Variants in JADE1 observed in about 807,000 individuals in gnomAD.
JADE1 encodes protein Jade-1.
In JADE1, 14 loss-of-function variants were observed where a neutral mutation model predicts 81.8. The ratio of observed to expected loss-of-function variants is 0.17; its 90% CI spans 0.11 to 0.27. JADE1 has a LOEUF of 0.27. JADE1 is among the 10% of genes least tolerant of loss of function. JADE1 has a pLI of 1.00. For synonymous variants in JADE1, 353 were observed against 391.9 expected (o/e 0.90, Z 1.17); for missense variants, 690 against 1,047.9 (o/e 0.66, Z 4.71).
chr4:128,810,557 G>A (rs960155056), intron 1 of JADE1, among the ~76,000 whole-genome samples: 2 of 151,068 alleles, frequency 1.3e-5, no homozygotes, highest in Non-Finnish European at 2.9e-5. Flanking sequence ...CAGAACGCAG[G>A]TTCGCGTACA....
intron 9 of JADE1, chr4:128,863,781 G>A (rs1731565928): frequency 1.0e-6 from 1 of 985,348 alleles, no homozygotes; most frequent in Admixed American, 6.2e-5. Context: ...CTGGTAAGAA[G>A]CCTTTATGCC....
chr4:128,862,494 A>G, intron 9 of JADE1: 1 of 1,317,664 alleles, frequency 7.6e-7, no homozygotes, highest in Non-Finnish European at 9.7e-7. Flanking sequence ...GTAAGATCAA[A>G]TGGGGTGTGT....
intron 1 of JADE1, among the ~76,000 whole-genome samples, chr4:128,815,267 A>AT (rs1726925746): frequency 6.6e-6 from 1 of 151,208 alleles, no homozygotes; most frequent in Non-Finnish European, 1.5e-5. Flanking sequence ...TGCCCAGCTA[A>AT]TTTTTTTGTA....
At chr4:128,869,760 G>A (rs551233746) in intron 10 of JADE1, among the ~76,000 whole-genome samples, 14 of 152,324 alleles carry the variant, frequency 9.2e-5, no homozygotes, top group African/African-American at 3.4e-4. Context: ...TCATTCTGAT[G>A]TAAGAACCAT....
At chr4:128,828,282 C>T (rs1381599317) in intron 1 of JADE1, among the ~76,000 whole-genome samples, 1 of 152,142 alleles carries the variant, frequency 6.6e-6, no homozygotes, top group East Asian at 1.9e-4. Flanking sequence ...TAGTAATTAG[C>T]CATTGCCCTG....
At chr4:128,859,344 T>C (rs893107915) in intron 8 of JADE1, among the ~76,000 whole-genome samples, 8 of 152,140 alleles carry the variant, frequency 5.3e-5, no homozygotes, top group African/African-American at 1.9e-4. Flanking sequence ...TATGCATGTA[T>C]GCGTATTTGA....
At chr4:128,848,036 T>C (rs949388041) in intron 4 of JADE1, among the ~76,000 whole-genome samples, 2 of 152,044 alleles carry the variant, frequency 1.3e-5, no homozygotes, top group African/African-American at 2.4e-5. Context: ...GTGTTAAAGG[T>C]CGGGAGAGAT....
intron 9 of JADE1, among the ~76,000 whole-genome samples, chr4:128,867,113 G>A (rs537406755): frequency 1.3e-5 from 2 of 152,264 alleles, no homozygotes; most frequent in African/African-American, 4.8e-5. Context: ...AGTTACAAGC[G>A]AATCGGGAGA....
At chr4:128,848,947 G>A (rs776492287) in intron 4 of JADE1, 33 bp from the exon 5 acceptor site, 94 of 1,608,720 alleles carry the variant, frequency 5.8e-5, no homozygotes, top group Non-Finnish European at 6.4e-5. Flanking sequence ...GGCTGAAAGG[G>A]TAACCTGGCT....
At chr4:128,814,966 G>A (rs1214190666) in intron 1 of JADE1, among the ~76,000 whole-genome samples, 1 of 151,860 alleles carries the variant, frequency 6.6e-6, no homozygotes, top group Non-Finnish European at 1.5e-5. Flanking sequence ...CTGTAATAGA[G>A]AAGCTTTGTC....
At position 128,846,562 on chromosome 4, in the gene JADE1, C is replaced by T. The variant is rs2125856878; in HGVS notation, c.296+30C>T. 1.2e-6 allele frequency: 2 copies of T among 1,611,010 alleles called. No individual in the cohort carries two copies. On this transcript the variant is annotated intron_variant, in intron 4 of 10. Transcript: ENST00000226319. The surrounding 1 kb of genome is among the most constrained non-coding windows in gnomAD (Gnocchi z 4.0). The stretch of plus-strand genomic sequence containing the variant: ...AGATGCCCTGAGGACAGAAGCCTCT[C>T]CACCCACCCTTGCTCTTCTTCCCTG...
chr4:128,830,376 G>T (rs1005053949), intron 1 of JADE1, among the ~76,000 whole-genome samples: 4 of 151,810 alleles, frequency 2.6e-5, no homozygotes, highest in Non-Finnish European at 5.9e-5. Flanking sequence ...TGGGATTACA[G>T]ACACCTGCCA....
chr4:128,851,419 G>T (rs766022246), intron 5 of JADE1, among the ~76,000 whole-genome samples: 9 of 152,156 alleles, frequency 5.9e-5, no homozygotes, highest in Non-Finnish European at 1.3e-4. Flanking sequence ...AGTCACTTAC[G>T]TGTTAGTTGT....
At chr4:128,811,544 G>C (rs1260684725) in intron 1 of JADE1, 1 of 151,380 alleles carries the variant, frequency 6.6e-6, no homozygotes, top group African/African-American at 2.4e-5. Flanking sequence ...AGGCGGCCCA[G>C]TGTGGAAATG....
chr4:128,810,957 G>C lies in JADE1; in HGVS notation c.-27+1080G>C, dbSNP rs959779667. On this transcript the variant is annotated intron_variant, in intron 1 of 10. Transcript: ENST00000226319. ...CTTTGGCACCATCTGCAAATTGTGG[G>C]GGTGGGGTCTCTTGGTCTCCTTGCT... 3.9e-5 allele frequency among the ~76,000 whole-genome samples: 6 copies of C among 152,314 alleles called. No individual in the cohort carries two copies. In the South Asian group the frequency reaches 1.2e-3, roughly 32 times the overall value.
chr4:128,840,271 A>G (rs1729321666), intron 2 of JADE1, among the ~76,000 whole-genome samples: 1 of 152,206 alleles, frequency 6.6e-6, no homozygotes, highest in African/African-American at 2.4e-5. Context: ...AGGAAGAGAC[A>G]AGAGGGTCAG....
intron 8 of JADE1, 64 bp from the exon 9 acceptor site, chr4:128,861,640 C>A: frequency 6.4e-7 from 1 of 1,551,074 alleles, no homozygotes; most frequent in Admixed American, 1.7e-5. Flanking sequence ...CCTAGCACTG[C>A]AGGCCTTCTG....
intron 5 of JADE1, among the ~76,000 whole-genome samples, chr4:128,851,116 A>G (rs1416708625): frequency 6.6e-6 from 1 of 152,146 alleles, no homozygotes; most frequent in Non-Finnish European, 1.5e-5. Context: ...TTTTTAGTAG[A>G]GACAGGATTT....
chr4:128,832,942 C>T (rs991224182), intron 2 of JADE1, among the ~76,000 whole-genome samples: 6 of 152,080 alleles, frequency 3.9e-5, no homozygotes, highest in African/African-American at 7.2e-5. Flanking sequence ...GGCACAGGCA[C>T]GGGGCTTTTG....
Sources: allele counts gnomAD v4.1 joint callset (sites outside exome capture counted in the v4.1 genomes callset), GRCh38; gene constraint gnomAD v4.1.1; non-coding constraint Gnocchi (gnomAD v3.1); transcripts MANE v1.5; gene names NCBI Gene and HGNC (gene_info 2026-07-23, HGNC 2026-07-21).